Variants in PRKD1 observed in about 807,000 individuals in gnomAD.
The protein encoded by PRKD1 is protein kinase D1.
In PRKD1, 63 loss-of-function variants were observed where a neutral mutation model predicts 95.9. The ratio of observed to expected loss-of-function variants is 0.66; its 90% CI spans 0.54 to 0.81. The LOEUF (loss-of-function observed/expected upper bound fraction) is 0.81, where lower values mean the gene tolerates loss of function less well. Among genes scored for constraint, PRKD1 ranks in the 30% least tolerant of loss-of-function variants. The pLI is 0.00. For missense variants in PRKD1, 1,048 were observed against 1,165.3 expected (o/e 0.90, Z 1.47); for synonymous variants, 425 against 423.1 (o/e 1.00, Z -0.05).
intron 16 of PRKD1, among the ~76,000 whole-genome samples, chr14:29,596,724 AC>A (rs976470765): frequency 6.6e-6 from 1 of 152,050 alleles, no homozygotes; most frequent in African/African-American, 2.4e-5. Flanking sequence ...TCATAGTAAC[AC>A]CTATCTTATA....
rs577855051 is a variant in PRKD1 at position 29,881,721 on chromosome 14, T to C, written c.264+45528A>G. On this transcript the variant is annotated intron_variant, in intron 1 of 17. Coordinates refer to ENST00000331968, the MANE Select transcript of PRKD1 (RefSeq NM_002742.3). The stretch of plus-strand genomic sequence containing the variant: ...CATGGACTTTCACTTGGCTTATTCT[T>C]CCTCTCTCCCAAAACTTCAATAAAT... 2.0e-5 allele frequency among the ~76,000 whole-genome samples: 3 copies of C among 152,226 alleles called. No individual in the cohort carries two copies. In the East Asian group the frequency reaches 5.8e-4, roughly 29 times the overall value.
At chr14:29,680,068 G>A (rs1376041946) in intron 2 of PRKD1, among the ~76,000 whole-genome samples, 3 of 152,166 alleles carry the variant, frequency 2.0e-5, no homozygotes, top group Non-Finnish European at 2.9e-5. Context: ...AAAGACTGTG[G>A]TTCAGTCGTT....
chr14:29,853,518 A>AAG (rs1172666528), intron 1 of PRKD1, among the ~76,000 whole-genome samples: 1 of 152,182 alleles, frequency 6.6e-6, no homozygotes, highest in Non-Finnish European at 1.5e-5. Context: ...CAAACTTATC[A>AAG]AAGCTTATAT....
intron 16 of PRKD1, among the ~76,000 whole-genome samples, chr14:29,583,906 C>T (rs1281398626): frequency 6.6e-6 from 1 of 152,200 alleles, no homozygotes; most frequent in Admixed American, 6.5e-5. Context: ...CTCCTTCTAA[C>T]TTCCTGTACA....
At chr14:29,654,427 G>A (rs889566193) in intron 4 of PRKD1, among the ~76,000 whole-genome samples, 6 of 152,192 alleles carry the variant, frequency 3.9e-5, no homozygotes, top group Admixed American at 3.3e-4. Flanking sequence ...GCCTGTCTCG[G>A]CCTCCTAAAA....
intron 1 of PRKD1, among the ~76,000 whole-genome samples, chr14:29,754,871 T>A (rs1054372661): frequency 7.2e-5 from 11 of 152,120 alleles, no homozygotes; most frequent in African/African-American, 1.9e-4. Flanking sequence ...AGATCAAGGT[T>A]CATTTAGGGA....
At position 29,924,183 on chromosome 14, in the gene PRKD1, C is replaced by T. The variant is rs561996714; in HGVS notation, c.264+3066G>A. Among the ~76,000 whole-genome samples the T allele has an allele frequency of 3.3e-5, 5 of 152,212 alleles. No homozygotes were observed. In the East Asian group the frequency reaches 9.7e-4, roughly 29 times the overall value. ...AAGAATAACATATTATATAGCCATACATTGTTACATACAAAAAAGCAAGAC... is the reference window on the plus strand; with the variant it reads ...AAGAATAACATATTATATAGCCATATATTGTTACATACAAAAAAGCAAGAC... On this transcript the variant is annotated intron_variant, in intron 1 of 17. Transcript: ENST00000331968.
intron 13 of PRKD1, among the ~76,000 whole-genome samples, chr14:29,619,645 T>C (rs939033820): frequency 9.2e-5 from 14 of 152,044 alleles, no homozygotes; most frequent in Admixed American, 2.6e-4. Flanking sequence ...CAGATCAGGG[T>C]AAGAGAAGTA....
At chr14:29,806,280 A>G (rs1386005622) in intron 1 of PRKD1, among the ~76,000 whole-genome samples, 1 of 152,222 alleles carries the variant, frequency 6.6e-6, no homozygotes, top group African/African-American at 2.4e-5. Context: ...TTTTGCTTCT[A>G]ACTAGCAACT....
intron 1 of PRKD1, among the ~76,000 whole-genome samples, chr14:29,749,678 C>A (rs1435525440): frequency 2.0e-5 from 3 of 152,056 alleles, no homozygotes; most frequent in African/African-American, 7.2e-5. Flanking sequence ...AGCTTTACAT[C>A]TGTAAAGTTA....
chr14:29,599,975 T>C (rs920749516), intron 13 of PRKD1, among the ~76,000 whole-genome samples, 158 bp from the exon 14 acceptor site: 2 of 152,228 alleles, frequency 1.3e-5, no homozygotes, highest in African/African-American at 4.8e-5. Context: ...CCTTATATTT[T>C]TGAAATTCTA....
intron 16 of PRKD1, among the ~76,000 whole-genome samples, chr14:29,580,586 C>T (rs1219216342): frequency 6.6e-6 from 1 of 152,016 alleles, no homozygotes; most frequent in East Asian, 1.9e-4. Context: ...GAAAATAGGT[C>T]CGTCATTTGT....
At chr14:29,580,548 C>T (rs776317810) in intron 16 of PRKD1, among the ~76,000 whole-genome samples, 13 of 152,084 alleles carry the variant, frequency 8.5e-5, no homozygotes, top group Non-Finnish European at 1.5e-4. Flanking sequence ...GCACCTATAG[C>T]TAAATGTTGG....
At chr14:29,646,034 C>A (rs923785552) in intron 4 of PRKD1, among the ~76,000 whole-genome samples, 14 of 152,060 alleles carry the variant, frequency 9.2e-5, no homozygotes. Context: ...CATTGTAACA[C>A]CAATTTCTGG....
chr14:29,920,015 GGGAA>G (rs398043721), intron 1 of PRKD1, among the ~76,000 whole-genome samples: 38,891 of 103,638 alleles, frequency 0.38, 7,844 homozygotes, highest in Admixed American at 0.45. Flanking sequence ...GAAGGAAGGA[GGGAA>G]GGAAGGAAGG....
intron 1 of PRKD1, among the ~76,000 whole-genome samples, chr14:29,761,390 G>A (rs1188042367): frequency 6.6e-6 from 1 of 152,124 alleles, no homozygotes; most frequent in Non-Finnish European, 1.5e-5. Flanking sequence ...TCCACAAAAT[G>A]TGAATAAGAG....
chr14:29,624,085 T>TC, intron 13 of PRKD1, 67 bp downstream of exon 13: 1 of 1,131,574 alleles, frequency 8.8e-7, no homozygotes, highest in Non-Finnish European at 1.3e-6. Flanking sequence ...GAAAATTTAT[T>TC]TGCTTTGCAG....
At chr14:29,775,232 C>A (rs746366251) in intron 1 of PRKD1, among the ~76,000 whole-genome samples, 2 of 152,144 alleles carry the variant, frequency 1.3e-5, no homozygotes, top group Non-Finnish European at 2.9e-5. Context: ...ACGCAGAAGG[C>A]GGGTGATTTC....
chr14:29,788,259 T>C (rs545136145), intron 1 of PRKD1, among the ~76,000 whole-genome samples: 2 of 152,338 alleles, frequency 1.3e-5, no homozygotes, highest in South Asian at 2.1e-4. Flanking sequence ...CTTTCACTTG[T>C]AAGGTTTCTG....
Sources: gnomAD v4.1 joint callset for allele counts (sites outside exome capture counted in the v4.1 genomes callset) on GRCh38, gnomAD v4.1.1 for gene constraint, MANE v1.5 for transcripts, NCBI Gene and HGNC (gene_info 2026-07-23, HGNC 2026-07-21) for gene names.